The following BMP1 variants were observed in gnomAD, a reference collection of about 807,000 sequenced individuals.
The protein encoded by BMP1 is bone morphogenetic protein 1.
Under a neutral mutation model 116.8 loss-of-function variants are expected in BMP1, and 63 were observed. That is an observed-to-expected ratio of 0.54 (90% confidence interval 0.44 to 0.67). The LOEUF is 0.67. BMP1 is among the 30% of genes least tolerant of loss of function. The pLI, the probability that BMP1 is intolerant of heterozygous loss-of-function variation, is 0.00. For missense variants in BMP1, 1,183 were observed against 1,358.9 expected (o/e 0.87, Z 2.04); for synonymous variants, 536 against 533.4 (o/e 1.00, Z -0.07).
chr8:22,178,448 C>G (rs535722513), intron 6 of BMP1, among the ~76,000 whole-genome samples: 1 of 152,148 alleles, frequency 6.6e-6, no homozygotes, highest in Non-Finnish European at 1.5e-5. Flanking sequence ...CGCCACCGTG[C>G]CTTTTTTTTT....
chr8:22,199,468 G>A, intron 15 of BMP1: 1 of 1,179,410 alleles, frequency 8.5e-7, no homozygotes, highest in Non-Finnish European at 1.1e-6. Flanking sequence ...CAGCTCCCAG[G>A]TGAGGCTGCC....
intron 9 of BMP1, 84 bp downstream of exon 9, chr8:22,192,235 G>C (rs1171376124): frequency 8.0e-7 from 1 of 1,245,654 alleles, no homozygotes; most frequent in Non-Finnish European, 1.2e-6. Flanking sequence ...CCCCCTCCAG[G>C]GCCCAACACT....
intron 15 of BMP1, among the ~76,000 whole-genome samples, chr8:22,197,866 A>G (rs981035343): frequency 1.3e-5 from 2 of 152,126 alleles, no homozygotes; most frequent in Admixed American, 6.5e-5. Flanking sequence ...CACACGCCAA[A>G]TAGGTTCACA....
In BMP1 at chr8:22,194,191, C is replaced by A; in HGVS notation, c.1297+17C>A. On this transcript the variant is annotated intron_variant, in intron 10 of 19. Transcript: ENST00000306385. The surrounding 1 kb of genome is among the most constrained non-coding windows in gnomAD (Gnocchi z 4.5). The stretch of plus-strand genomic sequence containing the variant: ...TCTACGAAGGTACTGAGGAAGGCGG[C>A]GGGCGGGAGGAGTCAGATAGGAGGT... The A allele has an allele frequency of 6.2e-7, 1 of 1,608,234 alleles. No individual in the cohort carries two copies. The highest frequency in any genetic ancestry group is 1.1e-5 in the South Asian group (1 of 90,940).
rs777409117 is a variant in BMP1, at chr8:22,165,379, C to T, written c.-27C>T. The T allele has an allele frequency of 1.8e-4, 256 of 1,424,408 alleles. No homozygotes were observed. The highest frequency in any genetic ancestry group is 2.1e-4 in the Non-Finnish European group (229 of 1,095,226). 88.2% of individuals were successfully genotyped at this position (1,424,408 alleles called of 1,614,324 possible). On this transcript the variant is annotated 5_prime_UTR_variant, in exon 1 of 20. Transcript: ENST00000306385. The stretch of plus-strand genomic sequence containing the variant: ...CGCCCTCCCCTGGCCTCCAGTGCGC[C>T]GCTTCCCTCGCCGCCGCCCCGCCAG...
Position 22,196,676 on chromosome 8 carries a change from G to C in BMP1, c.1766-4G>C, listed in dbSNP as rs201714147. On this transcript the variant is annotated splice_region_variant and splice_polypyrimidine_tract_variant and intron_variant, in intron 13 of 19. Coordinates refer to ENST00000306385, the MANE Select transcript of BMP1 (RefSeq NM_006129.5). ...AGACGATGCCACCTTCCTTGTCCCC[G>C]CAGCTGCTTGTGGCGGATTCCTCAC... 1.3e-5 allele frequency: 21 copies of C among 1,613,714 alleles called. No homozygotes were observed. Among genetic ancestry groups the C allele is most frequent in the Non-Finnish European group, 1.7e-5 (20 of 1,179,986 alleles).
At chr8:22,167,256 T>C (rs1828141621) in intron 1 of BMP1, among the ~76,000 whole-genome samples, 1 of 152,156 alleles carries the variant, frequency 6.6e-6, no homozygotes, top group Non-Finnish European at 1.5e-5. Context: ...TGGGAGGTAC[T>C]GAGACGTACA....
At chr8:22,178,584 T>G (rs1461198902) in intron 6 of BMP1, among the ~76,000 whole-genome samples, 1 of 152,094 alleles carries the variant, frequency 6.6e-6, no homozygotes, top group Non-Finnish European at 1.5e-5. Flanking sequence ...GCCATTCCTT[T>G]TTAATTAGTC....
chr8:22,165,582 G>C, intron 1 of BMP1, 29 bp downstream of exon 1: 1 of 1,551,626 alleles, frequency 6.4e-7, no homozygotes, highest in Non-Finnish European at 8.7e-7. Context: ...CCCGGCGACG[G>C]GCCAGGCGGG....
chr8:22,195,416 C>G (rs777690056), intron 12 of BMP1, 46 bp from the exon 13 acceptor site: 1 of 1,565,870 alleles, frequency 6.4e-7, no homozygotes, highest in Non-Finnish European at 8.6e-7. Flanking sequence ...CCAGCTTCTT[C>G]CCTTGAATGC....
intron 8 of BMP1, among the ~76,000 whole-genome samples, chr8:22,191,681 C>T (rs570617952): frequency 5.3e-5 from 8 of 152,348 alleles, no homozygotes; most frequent in Middle Eastern, 3.4e-3. Flanking sequence ...TGGGACCCTT[C>T]GTCGCTACTT....
At chr8:22,201,977 G>A in intron 16 of BMP1, 49 bp downstream of exon 16, 1 of 1,573,340 alleles carries the variant, frequency 6.4e-7, no homozygotes, top group Non-Finnish European at 8.6e-7. Flanking sequence ...CCTGCTGCTG[G>A]GAGTGGAAGC....
At chr8:22,210,086 C>T (rs777065398) in intron 19 of BMP1, among the ~76,000 whole-genome samples, 94 of 152,266 alleles carry the variant, frequency 6.2e-4, no homozygotes, top group Admixed American at 2.2e-3. Flanking sequence ...GGGGACAGGG[C>T]GCCTGAGCGG....
In BMP1 at chr8:22,173,634, G is replaced by C. The variant is rs1828346098; in HGVS notation, c.181G>C (p.Glu61Gln). Residue 61 changes from glutamate to glutamine, a missense_variant, in exon 2 of 20, where the codon GAG becomes CAG. Transcript: ENST00000306385. The stretch of plus-strand genomic sequence containing the variant: ...TCTTGGGGACATTGCCCTGGACGAA[G>C]AGGACCTGAGGGCCTTCCAGGTACA... ...AFLGDIALDE[E>Q]DLRAFQVQQA... 2 of 1,613,440 alleles carry C rather than the reference G, an allele frequency of 1.2e-6. No homozygotes were observed. Among genetic ancestry groups the C allele is most frequent in the East Asian group, 4.5e-5 (2 of 44,834 alleles).
chr8:22,177,807 C>T (rs1379202809), intron 5 of BMP1, 45 bp from the exon 6 acceptor site: 2 of 1,429,534 alleles, frequency 1.4e-6, no homozygotes, highest in Non-Finnish European at 2.0e-6. Context: ...CCCAGGCAGA[C>T]CCACCCCCTC....
intron 8 of BMP1, among the ~76,000 whole-genome samples, chr8:22,184,667 A>C (rs1828715415): frequency 6.6e-6 from 1 of 152,332 alleles, no homozygotes; most frequent in South Asian, 2.1e-4. Context: ...GGCACCTTAC[A>C]TGCCGGACCT....
At chr8:22,208,494 C>A (rs1241226332) in intron 18 of BMP1, among the ~76,000 whole-genome samples, 1 of 152,164 alleles carries the variant, frequency 6.6e-6, no homozygotes, top group African/African-American at 2.4e-5. Flanking sequence ...AAGAAAGGCA[C>A]CCCGGCCTAA....
At chr8:22,172,818 T>C (rs1828319508) in intron 1 of BMP1, among the ~76,000 whole-genome samples, 1 of 152,028 alleles carries the variant, frequency 6.6e-6, no homozygotes, top group Non-Finnish European at 1.5e-5. Flanking sequence ...GGTTTCACCA[T>C]GTTGCCCAGG....
rs144800431 is a variant in BMP1 at position 22,201,882 on chromosome 8, C to T, written c.2187C>T (p.Cys729=). 1.7e-4 allele frequency: 270 copies of T among 1,613,750 alleles called. No individual in the cohort carries two copies. Among genetic ancestry groups the T allele is most frequent in the Non-Finnish European group, 2.2e-4 (261 of 1,179,958 alleles). The change falls in exon 16 of 20, where the codon TGC becomes TGT. Residue 729 remains cysteine (C), a synonymous_variant. Transcript: ENST00000306385. ...CGTTCGGCAGTTATGAGTGCCAATG[C>T]CGCAGTGGCTTCGTCCTCCATGACA... ...VNTFGSYECQ[C]RSGFVLHDNK...
Sources: allele counts gnomAD v4.1 joint callset (sites outside exome capture counted in the v4.1 genomes callset), GRCh38; gene constraint gnomAD v4.1.1; non-coding constraint Gnocchi (gnomAD v3.1); transcripts MANE v1.5; gene names NCBI Gene and HGNC (gene_info 2026-07-23, HGNC 2026-07-21).